The following DYNC2H1 variants were observed in gnomAD, a reference collection of about 807,000 sequenced individuals.
The protein encoded by DYNC2H1 is cytoplasmic dynein 2 heavy chain 1.
Under a neutral mutation model 570.0 loss-of-function variants are expected in DYNC2H1, and 410 were observed. That is an observed-to-expected ratio of 0.72 (90% CI 0.66 to 0.78). The LOEUF is 0.78. Ranked by LOEUF, DYNC2H1 falls within the 30% of genes least tolerant of loss-of-function variation. DYNC2H1 has a pLI of 0.00. For synonymous variants in DYNC2H1, 1,688 were observed against 1,677.6 expected (o/e 1.01, Z -0.15); for missense variants, 4,865 against 5,046.4 (o/e 0.96, Z 1.09).
intron 20 of DYNC2H1, 99 bp downstream of exon 20, chr11:103,148,716 C>T: frequency 3.7e-6 from 5 of 1,342,076 alleles, no homozygotes; most frequent in African/African-American, 1.5e-5. Context: ...TATATAATCT[C>T]AACATTATAA....
chr11:103,169,525 C>T (rs148328250), intron 32 of DYNC2H1, among the ~76,000 whole-genome samples: 4 of 152,154 alleles, frequency 2.6e-5, no homozygotes, highest in Non-Finnish European at 5.9e-5. Flanking sequence ...TGCCAAATGG[C>T]TTTTTCAAAA....
chr11:103,139,277 G>C (rs1438708345), intron 17 of DYNC2H1, among the ~76,000 whole-genome samples: 2 of 150,738 alleles, frequency 1.3e-5, no homozygotes, highest in Admixed American at 1.3e-4. Flanking sequence ...GTTTGCTCTT[G>C]CTTTTCTAGT....
intron 59 of DYNC2H1, among the ~76,000 whole-genome samples, chr11:103,230,204 T>G (rs1380294337): frequency 6.6e-6 from 1 of 152,194 alleles, no homozygotes; most frequent in Non-Finnish European, 1.5e-5. Flanking sequence ...TTACCCCATA[T>G]TTTTAGGGAG....
intron 82 of DYNC2H1, among the ~76,000 whole-genome samples, chr11:103,338,412 T>A (rs1198810240): frequency 6.6e-6 from 1 of 152,194 alleles, no homozygotes; most frequent in Non-Finnish European, 1.5e-5. Flanking sequence ...CTGTGAAGAA[T>A]GTCATTGATA....
At chr11:103,230,728 T>C (rs1157966950) in intron 59 of DYNC2H1, among the ~76,000 whole-genome samples, 4 of 152,152 alleles carry the variant, frequency 2.6e-5, no homozygotes, top group African/African-American at 7.2e-5. Context: ...ATGTTAGTTA[T>C]TACTTTTTAA....
At position 103,395,216 on chromosome 11, in the gene DYNC2H1, T is replaced by C. The variant is rs933881763; in HGVS notation, c.12157-4447T>C. On this transcript the variant is annotated intron_variant, in intron 83 of 88. Coordinates refer to ENST00000375735, the MANE Select transcript of DYNC2H1 (RefSeq NM_001377.3). The surrounding 1 kb of genome is among the most constrained non-coding windows in gnomAD (Gnocchi z 4.3). ...GGAAAACTCAGCTCAAACTGACTTATGTGAAAAATGGAAATGTATGGTGTA... is the reference window on the plus strand; with the variant it reads ...GGAAAACTCAGCTCAAACTGACTTACGTGAAAAATGGAAATGTATGGTGTA... Among the ~76,000 whole-genome samples the C allele has an allele frequency of 9.2e-5, 14 of 152,136 alleles. No homozygotes were observed. The highest frequency in any genetic ancestry group is 5.9e-4 in the Admixed American group (9 of 15,260).
intron 84 of DYNC2H1, among the ~76,000 whole-genome samples, chr11:103,408,721 A>C (rs1289787896): frequency 6.6e-6 from 1 of 152,044 alleles, no homozygotes; most frequent in East Asian, 1.9e-4. Flanking sequence ...GGACTCTAGA[A>C]TAGGATTACA....
chr11:103,233,239 A>G (rs1392952670), intron 60 of DYNC2H1, among the ~76,000 whole-genome samples: 3 of 151,796 alleles, frequency 2.0e-5, no homozygotes, highest in African/African-American at 7.2e-5. Flanking sequence ...TTACATATGT[A>G]TAGCATAAGA....
rs1411696135 is a variant in DYNC2H1 at position 103,148,541 on chromosome 11, C to T, written c.2870C>T (p.Thr957Ile). The change falls in exon 20 of 89, where the codon ACA becomes ATA. Residue 957 changes from threonine to isoleucine, a missense_variant. By Grantham distance (89) the Thr-to-Ile change is moderately conservative. This residue lies in a region of DYNC2H1 where 1,936 missense variants were observed against 1,962.1 expected (regional missense o/e 0.99). Transcript: ENST00000375735. ...GTTACTGAGGCTATGGAAGTCTTAA[C>T]AATTATGCCCCAGTCTGTGGAAGAA... ...TFVTEAMEVLTIMPQSVEEIG... is the reference protein window; with the variant it reads ...TFVTEAMEVLIIMPQSVEEIG... The T allele has an allele frequency of 1.3e-6, 2 of 1,565,786 alleles. No individual in the cohort carries two copies. The highest frequency in any genetic ancestry group is 1.9e-5 in the Admixed American group (1 of 53,168).
Position 103,455,203 on chromosome 11 carries a change from T to G in DYNC2H1, c.12474T>G (p.Ala4158=). 5.6e-6 allele frequency: 9 copies of G among 1,613,330 alleles called. No homozygotes were observed. The highest frequency in any genetic ancestry group is 7.6e-6 in the Non-Finnish European group (9 of 1,179,464). Residue 4158 remains alanine (A), a synonymous_variant, in exon 86 of 89, where the codon GCT becomes GCG. Transcript: ENST00000375735. ...CCCTCTAGAACTGGGTAGATAAAGC[T>G]GAAAAACAGGCTCTTCTCTCTGAAA... ...ALAIQNWVDK[A]EKQALLSETL...
chr11:103,245,956 C>T lies in DYNC2H1; in HGVS notation c.10042+582C>T, dbSNP rs534335458. ...CATATACGTACGTGAATGTATGCCA[C>T]ATACGTTGCTAGCACAGCAAACTTT... On this transcript the variant is annotated intron_variant, in intron 65 of 88. Transcript: ENST00000375735. The surrounding 1 kb of genome is among the most constrained non-coding windows in gnomAD (Gnocchi z 4.5). Among the ~76,000 whole-genome samples, 5 of 152,226 alleles carry T rather than the reference C, an allele frequency of 3.3e-5. No homozygotes were observed. Among genetic ancestry groups the T allele is most frequent in the South Asian group, 2.1e-4 (1 of 4,828 alleles).
At chr11:103,330,177 T>C (rs973433671) in intron 82 of DYNC2H1, among the ~76,000 whole-genome samples, 1 of 152,236 alleles carries the variant, frequency 6.6e-6, no homozygotes, top group African/African-American at 2.4e-5. Context: ...CACTGCCACG[T>C]AAGTGGTAAA....
At chr11:103,263,513 C>G (rs1459719470) in intron 70 of DYNC2H1, among the ~76,000 whole-genome samples, 1 of 152,146 alleles carries the variant, frequency 6.6e-6, no homozygotes, top group Admixed American at 6.5e-5. Context: ...CAAATAGTCT[C>G]TCACAACACA....
chr11:103,149,967 C>G (rs1279280508), intron 20 of DYNC2H1, among the ~76,000 whole-genome samples: 1 of 152,050 alleles, frequency 6.6e-6, no homozygotes, highest in African/African-American at 2.4e-5. Flanking sequence ...GATTTGGGGA[C>G]AGATCATTCC....
chr11:103,195,622 G>T (rs772313321), intron 47 of DYNC2H1, among the ~76,000 whole-genome samples: 3 of 152,090 alleles, frequency 2.0e-5, no homozygotes, highest in Non-Finnish European at 2.9e-5. Context: ...AGCTATTTCT[G>T]TTTCTTTGTC....
rs753579042 is a variant in DYNC2H1, at chr11:103,222,099, AAG to A, written c.9184_9185del (p.Ser3062CysfsTer2). On this transcript the variant is annotated frameshift_variant, in exon 58 of 89. Transcript: ENST00000375735. LOFTEE classifies it high-confidence loss of function. The stretch of plus-strand genomic sequence containing the variant: ...ATGCCCGAAATATTTCAAAGGAAAT[AAG>A]AGAGAGTGTTGAAGAACTTCTTTTT... ...FDARNISKEI[R>X]ESVEELLFKN... 1 of 1,606,856 alleles carries A rather than the reference AAG, an allele frequency of 6.2e-7. No homozygotes were observed. The highest frequency in any genetic ancestry group is 1.1e-5 in the South Asian group (1 of 89,636).
intron 82 of DYNC2H1, among the ~76,000 whole-genome samples, chr11:103,354,131 C>T (rs757346430): frequency 8.2e-5 from 12 of 146,560 alleles, no homozygotes; most frequent in Non-Finnish European, 1.6e-4. Context: ...GAGCTGAGAT[C>T]GCGCCACCGT....
At chr11:103,339,444 T>C (rs1565508268) in intron 82 of DYNC2H1, among the ~76,000 whole-genome samples, 1 of 152,194 alleles carries the variant, frequency 6.6e-6, no homozygotes. Context: ...CTTCTGGCCC[T>C]GGGTGGGTCA....
chr11:103,312,944 AGTC>A (rs2135419941), intron 79 of DYNC2H1, among the ~76,000 whole-genome samples: 2 of 152,282 alleles, frequency 1.3e-5, no homozygotes, highest in African/African-American at 4.8e-5. Context: ...TCCATCATCA[AGTC>A]TTGTTAATTC....
Sources: gnomAD v4.1 joint callset for allele counts (sites outside exome capture counted in the v4.1 genomes callset) on GRCh38, gnomAD v4.1.1 for gene constraint, gnomAD v4.1.1 regional missense constraint, Gnocchi (gnomAD v3.1) non-coding constraint, MANE v1.5 for transcripts, NCBI Gene and HGNC (gene_info 2026-07-23, HGNC 2026-07-21) for gene names.